The following CADPS variants were observed in gnomAD, a reference collection of about 807,000 sequenced individuals.
The protein encoded by CADPS is calcium-dependent secretion activator 1.
CADPS carries 57 observed loss-of-function variants against 167.3 expected under a neutral mutation model. The ratio of observed to expected loss-of-function variants is 0.34; its 90% CI spans 0.28 to 0.42. The LOEUF is 0.42. Ranked by LOEUF, CADPS falls within the 20% of genes least tolerant of loss-of-function variation. The probability of loss-of-function intolerance (pLI) is 1.00; values close to 1 mark genes in which losing one functional copy is unlikely to be tolerated. For missense variants in CADPS, 1,414 were observed against 1,738.1 expected (o/e 0.81, Z 3.32); for synonymous variants, 676 against 635.3 (o/e 1.06, Z -0.96).
At chr3:62,804,807 A>G (rs933077568) in intron 1 of CADPS, among the ~76,000 whole-genome samples, 2 of 152,204 alleles carry the variant, frequency 1.3e-5, no homozygotes, top group African/African-American at 4.8e-5. Flanking sequence ...ATTTACTTCA[A>G]ATGGTGAAAA....
At chr3:62,819,123 T>C (rs1389512408) in intron 1 of CADPS, among the ~76,000 whole-genome samples, 1 of 152,158 alleles carries the variant, frequency 6.6e-6, no homozygotes, top group Non-Finnish European at 1.5e-5. Context: ...GTTATGTGTG[T>C]ATTTGTCAAA....
At chr3:62,453,543 G>A (rs1233372669) in intron 26 of CADPS, among the ~76,000 whole-genome samples, 4 of 152,200 alleles carry the variant, frequency 2.6e-5, no homozygotes, top group Non-Finnish European at 5.9e-5. Flanking sequence ...GATGCTCTAA[G>A]TGCATCTTGG....
At chr3:62,451,618 G>GA (rs1169182035) in intron 26 of CADPS, among the ~76,000 whole-genome samples, 2 of 151,960 alleles carry the variant, frequency 1.3e-5, no homozygotes, top group Admixed American at 6.6e-5. Flanking sequence ...AAAAAAAAAG[G>GA]AAAAAAACAA....
chr3:62,425,144 T>C (rs964547949), intron 28 of CADPS, among the ~76,000 whole-genome samples: 1 of 152,214 alleles, frequency 6.6e-6, no homozygotes, highest in Non-Finnish European at 1.5e-5. Flanking sequence ...TGAAGTCTTG[T>C]AAGATACAAA....
intron 28 of CADPS, among the ~76,000 whole-genome samples, chr3:62,416,085 A>T (rs575335097): frequency 2.5e-4 from 38 of 152,128 alleles, no homozygotes; most frequent in Non-Finnish European, 1.3e-4. Context: ...GCCCTATTTA[A>T]TGTCAGAAAT....
chr3:62,654,974 G>C (rs1018212523), intron 4 of CADPS, among the ~76,000 whole-genome samples: 1 of 152,110 alleles, frequency 6.6e-6, no homozygotes, highest in Non-Finnish European at 1.5e-5. Context: ...CCACAGTCCT[G>C]AGATTTTTTT....
At chr3:62,600,895 G>T (rs2059860253) in intron 6 of CADPS, among the ~76,000 whole-genome samples, 1 of 152,138 alleles carries the variant, frequency 6.6e-6, no homozygotes, top group Non-Finnish European at 1.5e-5. Flanking sequence ...GAGGTGGGTG[G>T]ATTGCTTGAG....
chr3:62,811,790 T>C (rs1372613267), intron 1 of CADPS, among the ~76,000 whole-genome samples: 1 of 152,190 alleles, frequency 6.6e-6, no homozygotes, highest in Non-Finnish European at 1.5e-5. Context: ...AGGACATCCA[T>C]TGTCTCTAAA....
At chr3:62,605,742 T>C (rs965053648) in intron 6 of CADPS, among the ~76,000 whole-genome samples, 1 of 152,198 alleles carries the variant, frequency 6.6e-6, no homozygotes, top group South Asian at 2.1e-4. Flanking sequence ...TTTTGTGAGG[T>C]GAGGAAATAC....
chr3:62,635,907 C>T (rs1396443738), intron 6 of CADPS, among the ~76,000 whole-genome samples: 1 of 152,106 alleles, frequency 6.6e-6, no homozygotes, highest in Non-Finnish European at 1.5e-5. Flanking sequence ...AGAAAACTAG[C>T]TTGCTATATA....
chr3:62,753,922 T>C lies in CADPS; in HGVS notation c.556-149A>G. 1 of 675,884 alleles carries C rather than the reference T, an allele frequency of 1.5e-6. No homozygotes were observed. Among genetic ancestry groups the C allele is most frequent in the Admixed American group, 2.9e-5 (1 of 34,128 alleles). The allele number at this position is 675,884 out of a possible 1,614,324, so 41.9% of individuals were successfully genotyped here. A position where few individuals can be genotyped will look rare whatever the true frequency, so the allele number is the denominator to read the frequency against. ...ACCCTGCCCCACCACCTCCTGGCTG[T>C]GCAAACTCAGAGTAGTCTCTTACAC... On this transcript the variant is annotated intron_variant, in intron 2 of 29. Coordinates refer to ENST00000383710, the MANE Select transcript of CADPS (RefSeq NM_003716.4). This position sits in a 1 kb window ranked among gnomAD's most constrained non-coding sequence, Gnocchi z 4.6.
intron 1 of CADPS, among the ~76,000 whole-genome samples, chr3:62,848,232 C>T (rs2077861892): frequency 1.5e-5 from 2 of 135,482 alleles, no homozygotes; most frequent in Admixed American, 1.5e-4. Flanking sequence ...TGTAGGTTGC[C>T]TGTTCACTCT....
Position 62,458,098 on chromosome 3 carries a change from A to G in CADPS, c.3636+7269T>C, listed in dbSNP as rs1457696802. On this transcript the variant is annotated intron_variant, in intron 26 of 29. Coordinates refer to ENST00000383710, the MANE Select transcript of CADPS (RefSeq NM_003716.4). This position sits in a 1 kb window ranked among gnomAD's most constrained non-coding sequence, Gnocchi z 4.6. ...AGTATAATTTAAAAAAAAATTTTTA[A>G]AAAAGCACCAGGGTCATGTAAACTT... Among the ~76,000 whole-genome samples, 1 of 152,232 alleles carries G rather than the reference A, an allele frequency of 6.6e-6. No homozygotes were observed. The highest frequency in any genetic ancestry group is 1.5e-5 in the Non-Finnish European group (1 of 68,038).
At chr3:62,477,316 T>C (rs866741584) in intron 23 of CADPS, among the ~76,000 whole-genome samples, 1 of 28,350 alleles carries the variant, frequency 3.5e-5, no homozygotes, top group Non-Finnish European at 1.0e-4. Flanking sequence ...CAATCTGGGT[T>C]TTTTTTTTTT....
intron 1 of CADPS, among the ~76,000 whole-genome samples, chr3:62,863,536 G>C (rs1223127132): frequency 6.6e-6 from 1 of 152,150 alleles, no homozygotes; most frequent in Non-Finnish European, 1.5e-5. Flanking sequence ...GGAGTGCAAT[G>C]ACACTGAGGC....
At chr3:62,543,785 T>C (rs911397227) in intron 11 of CADPS, among the ~76,000 whole-genome samples, 1 of 152,224 alleles carries the variant, frequency 6.6e-6, no homozygotes, top group South Asian at 2.1e-4. Context: ...CTTGACCAAT[T>C]TTTCTAACTC....
Position 62,478,231 on chromosome 3 carries a change from T to C in CADPS, c.3329+30A>G. 1 of 1,612,088 alleles carries C rather than the reference T, an allele frequency of 6.2e-7. No individual in the cohort carries two copies. Among genetic ancestry groups the C allele is most frequent in the African/African-American group, 1.3e-5 (1 of 74,990 alleles). Reference sequence around the variant, plus strand: ...GAGTCTGTGTATGGTGGGGAGGGTGTGCAGAACCTGTCCAGCCACCTATAC... The same window carrying C: ...GAGTCTGTGTATGGTGGGGAGGGTGCGCAGAACCTGTCCAGCCACCTATAC... On this transcript the variant is annotated intron_variant, in intron 23 of 29. Transcript: ENST00000383710. The surrounding 1 kb of genome is among the most constrained non-coding windows in gnomAD (Gnocchi z 5.7).
rs562033325 is a variant in CADPS, at chr3:62,811,809, T to G, written c.442-45825A>C. Among the ~76,000 whole-genome samples the G allele has an allele frequency of 9.8e-4, 150 of 152,320 alleles. 1 individual carries two copies. The highest frequency in any genetic ancestry group is 1.1e-3 in the Non-Finnish European group (78 of 68,028). On this transcript the variant is annotated intron_variant, in intron 1 of 29. Transcript: ENST00000383710. ...CATCCATTGTCTCTAAATGTCGTAA[T>G]TTAAGCAAATTAATTTATAAACTTA...
intron 1 of CADPS, among the ~76,000 whole-genome samples, chr3:62,806,515 G>A (rs1260440108): frequency 1.3e-5 from 2 of 152,110 alleles, no homozygotes; most frequent in Non-Finnish European, 2.9e-5. Context: ...GGACAACAGA[G>A]CAAAACCCTG....
Sources: gnomAD v4.1 joint callset for allele counts (sites outside exome capture counted in the v4.1 genomes callset) on GRCh38, gnomAD v4.1.1 for gene constraint, Gnocchi (gnomAD v3.1) non-coding constraint, MANE v1.5 for transcripts, NCBI Gene and HGNC (gene_info 2026-07-23, HGNC 2026-07-21) for gene names.